The following UGT1A7 variants were observed in gnomAD, a reference collection of about 807,000 sequenced individuals.
UGT1A7 encodes the protein UDP-glucuronosyltransferase 1A7.
A neutral mutation model predicts 45.6 loss-of-function variants in UGT1A7; 33 were observed. That is an observed-to-expected ratio of 0.72 (90% confidence interval 0.55 to 0.97). UGT1A7 has a LOEUF of 0.97. Among genes scored for constraint, UGT1A7 ranks in the 50% least tolerant of loss-of-function variants. The pLI, the probability that UGT1A7 is intolerant of heterozygous loss-of-function variation, is 0.00. For synonymous variants in UGT1A7, 274 were observed against 250.6 expected (o/e 1.09, Z -0.88); for missense variants, 684 against 666.2 (o/e 1.03, Z -0.29).
Position 233,748,090 on chromosome 2 carries a change from G to A in UGT1A7, c.856-18944G>A, listed in dbSNP as rs1277549661. 8.7e-6 allele frequency: 14 copies of A among 1,612,786 alleles called. No individual in the cohort carries two copies. The East Asian group carries it at 2.0e-4, about 23-fold the overall frequency. ...AAGCCACTATCTCAGGTCGGTGTTC[G>A]TGCCTTCATCCAATCAATGTTCCAG... On this transcript the variant is annotated intron_variant, in intron 1 of 4. Coordinates refer to ENST00000373426, the MANE Select transcript of UGT1A7 (RefSeq NM_019077.3).
intron 1 of UGT1A7, chr2:233,741,568 C>G (rs1459540084): frequency 2.0e-5 from 3 of 151,868 alleles, no homozygotes; most frequent in African/African-American, 7.3e-5. Context: ...GTATGAGAAT[C>G]AACTACCCAG....
At chr2:233,703,124 C>T (rs1256494808) in intron 1 of UGT1A7, among the ~76,000 whole-genome samples, 1 of 152,146 alleles carries the variant, frequency 6.6e-6, no homozygotes, top group Non-Finnish European at 1.5e-5. Flanking sequence ...AATCTTTTTA[C>T]CTGTTATGGC....
intron 1 of UGT1A7, chr2:233,754,963 A>G: frequency 7.6e-7 from 1 of 1,309,276 alleles, no homozygotes; most frequent in Non-Finnish European, 1.0e-6. Flanking sequence ...CCGCCAAAGA[A>G]CTCCCTGAAG....
In UGT1A7 at chr2:233,682,155, C is replaced by T; in HGVS notation, c.218C>T (p.Thr73Ile). The stretch of plus-strand genomic sequence containing the variant: ...CAACTGGGAAGATCACTGAATTGCA[C>T]AGTGAAGACTTACTCAACCTCATAC... Reference protein sequence around the residue: ...SWQLGRSLNCTVKTYSTSYTL... With the variant: ...SWQLGRSLNCIVKTYSTSYTL... The change falls in exon 1 of 5, where the codon ACA becomes ATA. Residue 73 changes from threonine (T) to isoleucine (I), a missense_variant. Physicochemically the swap from Thr to Ile is moderately conservative, Grantham distance 89 (BLOSUM62 -1). Transcript: ENST00000373426. 5 of 1,614,196 alleles carry T rather than the reference C, an allele frequency of 3.1e-6. No homozygotes were observed. The highest frequency in any genetic ancestry group is 4.2e-6 in the Non-Finnish European group (5 of 1,180,028).
At chr2:233,700,589 G>GAT (rs2075574191) in intron 1 of UGT1A7, among the ~76,000 whole-genome samples, 2 of 152,036 alleles carry the variant, frequency 1.3e-5, no homozygotes. Flanking sequence ...AATTTATTAT[G>GAT]ATACAATTCA....
At position 233,717,544 on chromosome 2, in the gene UGT1A7, C is replaced by A. The variant is rs1401420661; in HGVS notation, c.855+34752C>A. Among the ~76,000 whole-genome samples, 6 of 152,334 alleles carry A rather than the reference C, an allele frequency of 3.9e-5. No individual in the cohort carries two copies. The East Asian group carries it at 1.2e-3, about 29-fold the overall frequency. On this transcript the variant is annotated intron_variant, in intron 1 of 4. Transcript: ENST00000373426. The stretch of plus-strand genomic sequence containing the variant: ...TCCTCCATAAGGGAAGCCTCAGCCT[C>A]ACCAGCAATGGCAGACATGGCCAGG...
intron 1 of UGT1A7, among the ~76,000 whole-genome samples, chr2:233,702,006 G>T (rs1014766154): frequency 6.6e-6 from 1 of 152,034 alleles, no homozygotes; most frequent in East Asian, 1.9e-4. Flanking sequence ...GAGCAGAACT[G>T]AAGGAAATAG....
intron 1 of UGT1A7, chr2:233,752,209 A>G (rs544905621): frequency 1.3e-5 from 2 of 152,350 alleles, no homozygotes; most frequent in East Asian, 3.9e-4. Context: ...AACTCCAGCC[A>G]GAAAAAATAT....
At position 233,772,516 on chromosome 2, in the gene UGT1A7, A is replaced by G. The variant is rs1559420819; in HGVS notation, c.1550A>G (p.Lys517Arg). 3 of 1,614,208 alleles carry G rather than the reference A, an allele frequency of 1.9e-6. No homozygotes were observed. Among genetic ancestry groups the G allele is most frequent in the East Asian group, 2.2e-5 (1 of 44,880 alleles). ...TATGGCTACCGGAAATGCTTGGGGAAAAAAGGGCGAGTTAAGAAAGCCCAC... is the reference window on the plus strand; with the variant it reads ...TATGGCTACCGGAAATGCTTGGGGAGAAAAGGGCGAGTTAAGAAAGCCCAC... ...CAYGYRKCLGKKGRVKKAHKS... is the reference protein window; with the variant it reads ...CAYGYRKCLGRKGRVKKAHKS... The change falls in exon 5 of 5, where the codon AAA becomes AGA. Residue 517 changes from lysine (K) to arginine (R), a missense_variant. Transcript: ENST00000373426.
At chr2:233,743,749 C>G (rs937168653) in intron 1 of UGT1A7, 24 of 1,367,282 alleles carry the variant, frequency 1.8e-5, no homozygotes, top group Non-Finnish European at 2.3e-5. Context: ...TGGCGTCCGA[C>G]AACACCTCGT....
chr2:233,711,761 G>A (rs2125625357), intron 1 of UGT1A7, among the ~76,000 whole-genome samples: 2 of 152,342 alleles, frequency 1.3e-5, no homozygotes, highest in Middle Eastern at 3.4e-3. Context: ...TAGACACAGA[G>A]GAAGTGAGAT....
chr2:233,735,695 G>A (rs1439239319), intron 1 of UGT1A7, among the ~76,000 whole-genome samples: 1 of 151,962 alleles, frequency 6.6e-6, no homozygotes, highest in Non-Finnish European at 1.5e-5. Flanking sequence ...GCTCTTGTAA[G>A]GCAGGCCTGG....
At chr2:233,718,680 G>C in intron 1 of UGT1A7, 1 of 1,570,166 alleles carries the variant, frequency 6.4e-7, no homozygotes, top group South Asian at 1.2e-5. Flanking sequence ...TGGGTAATAA[G>C]TAACTGGAGG....
intron 1 of UGT1A7, among the ~76,000 whole-genome samples, chr2:233,733,343 A>G (rs1239726536): frequency 4.6e-5 from 7 of 152,182 alleles, no homozygotes. Flanking sequence ...TTCCAACAGT[A>G]TGTTGAGTAG....
chr2:233,697,556 A>T, intron 1 of UGT1A7, among the ~76,000 whole-genome samples: 1 of 140,582 alleles, frequency 7.1e-6, no homozygotes, highest in African/African-American at 2.7e-5. Context: ...TTGTTTATTT[A>T]GCCTCAATTT....
chr2:233,707,937 C>A (rs1197713687), intron 1 of UGT1A7, among the ~76,000 whole-genome samples: 2 of 152,160 alleles, frequency 1.3e-5, no homozygotes, highest in Non-Finnish European at 2.9e-5. Flanking sequence ...ACTTATCAGT[C>A]ATTTGGATTT....
At chr2:233,729,707 T>C (rs2125746901) in intron 1 of UGT1A7, 1 of 1,613,988 alleles carries the variant, frequency 6.2e-7, no homozygotes, top group Non-Finnish European at 8.5e-7. Flanking sequence ...TCCTCCTATA[T>C]TCCTAGATTA....
chr2:233,728,576 A>C (rs913961228), intron 1 of UGT1A7, among the ~76,000 whole-genome samples: 5 of 152,214 alleles, frequency 3.3e-5, no homozygotes, highest in African/African-American at 1.2e-4. Context: ...CCTGGTGCGA[A>C]AAACGACCAA....
rs181904192 is a variant in UGT1A7, at chr2:233,720,907, C to T, written c.855+38115C>T. On this transcript the variant is annotated intron_variant, in intron 1 of 4. Coordinates refer to ENST00000373426, the MANE Select transcript of UGT1A7 (RefSeq NM_019077.3). ...TTTTTTTTTAGTAGAGATGAGGTTT[C>T]GCAATGTTAGCCAGGCTGGTCTTGA... 7.9e-3 allele frequency among the ~76,000 whole-genome samples: 1,118 copies of T among 140,910 alleles called. 9 individuals carry two copies. Among genetic ancestry groups the T allele is most frequent in the Admixed American group, 0.016 (217 of 13,846 alleles). 92.4% of individuals were successfully genotyped at this position (140,910 alleles called of 152,430 possible).
Sources: gnomAD v4.1 joint callset for allele counts (sites outside exome capture counted in the v4.1 genomes callset) on GRCh38, gnomAD v4.1.1 for gene constraint, MANE v1.5 for transcripts, NCBI Gene and HGNC (gene_info 2026-07-23, HGNC 2026-07-21) for gene names.